Variants in HYKK observed in about 807,000 individuals in gnomAD.
The protein encoded by HYKK is hydroxylysine kinase.
In HYKK, 19 loss-of-function variants were observed where a neutral mutation model predicts 29.7. That is an observed-to-expected ratio of 0.64 (90% CI 0.45 to 0.94). The LOEUF (loss-of-function observed/expected upper bound fraction) is 0.94. HYKK is among the 40% of genes least tolerant of loss of function. The probability of loss-of-function intolerance (pLI) is 0.00; values close to 1 mark genes in which losing one functional copy is unlikely to be tolerated. For synonymous variants in HYKK, 152 were observed against 158.1 expected (o/e 0.96, Z 0.29); for missense variants, 390 against 443.4 (o/e 0.88, Z 1.08).
chr15:78,527,305 A>AAAT, intron 3 of HYKK, 75 bp from the exon 4 acceptor site: 1 of 1,165,378 alleles, frequency 8.6e-7, no homozygotes, highest in Non-Finnish European at 1.2e-6. Flanking sequence ...AAAAAAAAAA[A>AAAT]TGTGCAGCAC....
At chr15:78,511,640 T>C (rs1478922503) in intron 1 of HYKK, among the ~76,000 whole-genome samples, 1 of 152,044 alleles carries the variant, frequency 6.6e-6, no homozygotes. Flanking sequence ...TTCAGGATCA[T>C]TGAGCCTGGT....
At chr15:78,516,472 G>T (rs958022146) in intron 3 of HYKK, among the ~76,000 whole-genome samples, 8 of 151,224 alleles carry the variant, frequency 5.3e-5, no homozygotes, top group African/African-American at 1.9e-4. Flanking sequence ...CAGCCTCCTG[G>T]GTAGCTGGGA....
chr15:78,533,067 A>T lies in HYKK; in HGVS notation c.662-143A>T, dbSNP rs909511768. On this transcript the variant is annotated intron_variant, in intron 4 of 4. Transcript: ENST00000388988. Reference sequence around the variant, plus strand: ...ACTGCTTTTATTCTTTTCAGAGGAAATTATTTTATTTCAAGAAAAATAGGG... The same window carrying T: ...ACTGCTTTTATTCTTTTCAGAGGAATTTATTTTATTTCAAGAAAAATAGGG... 3 of 620,768 alleles carry T rather than the reference A, an allele frequency of 4.8e-6. No individual in the cohort carries two copies. In the Admixed American group the frequency reaches 9.4e-5, roughly 19 times the overall value. 38.5% of individuals were successfully genotyped at this position (620,768 alleles called of 1,614,324 possible).
intron 3 of HYKK, among the ~76,000 whole-genome samples, chr15:78,525,159 T>G (rs982796683): frequency 5.9e-5 from 9 of 152,076 alleles, no homozygotes; most frequent in African/African-American, 2.2e-4. Context: ...TATTTTTATT[T>G]GTTTATTTAT....
intron 4 of HYKK, among the ~76,000 whole-genome samples, chr15:78,532,826 T>G (rs2052325110): frequency 6.6e-6 from 1 of 152,136 alleles, no homozygotes; most frequent in African/African-American, 2.4e-5. Flanking sequence ...AATAAAATCC[T>G]AGATGAAAAT....
At chr15:78,521,793 T>C (rs1275156334) in intron 3 of HYKK, among the ~76,000 whole-genome samples, 1 of 152,146 alleles carries the variant, frequency 6.6e-6, no homozygotes, top group East Asian at 1.9e-4. Flanking sequence ...GTAGAGCCAG[T>C]TGAAACCTAG....
chr15:78,519,686 G>C (rs554730799), intron 3 of HYKK, among the ~76,000 whole-genome samples: 2 of 152,228 alleles, frequency 1.3e-5, no homozygotes, highest in Non-Finnish European at 1.5e-5. Context: ...ACTTGAACCC[G>C]GGAGGCGGAG....
Position 78,513,425 on chromosome 15 carries a change from G to T in HYKK, c.337G>T (p.Asp113Tyr). ...GDNTASLVSV[D>Y]SGSEIKSYLV... is the part of the protein sequence containing the mutation. The stretch of plus-strand genomic sequence containing the variant: ...CAACACAGCTTCTCTCGTGTCTGTA[G>T]GTAAGAGATGACCAATTCGCCGATC... Residue 113 changes from aspartate to tyrosine, a missense_variant and splice_region_variant, in exon 2 of 5, where the codon GAT becomes TAT. By Grantham distance (160) the Asp-to-Tyr change is radical (BLOSUM62 -3). Coordinates refer to ENST00000388988, the MANE Select transcript of HYKK (RefSeq NM_001013619.4). 1 of 1,605,252 alleles carries T rather than the reference G, an allele frequency of 6.2e-7. No homozygotes were observed. Among genetic ancestry groups the T allele is most frequent in the Non-Finnish European group, 8.5e-7 (1 of 1,175,296 alleles).
intron 1 of HYKK, among the ~76,000 whole-genome samples, chr15:78,510,737 A>G (rs902566931): frequency 6.6e-5 from 10 of 152,166 alleles, no homozygotes; most frequent in Non-Finnish European, 1.3e-4. Context: ...ATTTCTCAGA[A>G]GCGCTCTTTC....
At chr15:78,515,627 C>T (rs923174305) in intron 3 of HYKK, among the ~76,000 whole-genome samples, 6 of 148,944 alleles carry the variant, frequency 4.0e-5, no homozygotes, top group South Asian at 4.2e-4. Context: ...CTCGCTCTGT[C>T]GTCCAGGCTG....
rs8034191 is a variant in HYKK at position 78,513,681 on chromosome 15, T to C, written c.337+256T>C. 0.27 allele frequency among the ~76,000 whole-genome samples: 41,417 copies of C among 152,156 alleles called. 6,412 individuals are homozygous for C. Among genetic ancestry groups the C allele is most frequent in the Middle Eastern group, 0.41 (122 of 294 alleles). On this transcript the variant is annotated intron_variant, in intron 2 of 4. Transcript: ENST00000388988. ...CCCAATGTGGTATAAGTTTTCTGTT[T>C]AGAAAGGCCCTGACAGATAGTAACT...
chr15:78,509,020 A>T (rs547173021), intron 1 of HYKK, among the ~76,000 whole-genome samples: 1 of 151,954 alleles, frequency 6.6e-6, no homozygotes, highest in East Asian at 1.9e-4. Context: ...TGTACTCCAG[A>T]CTGGGTGACA....
chr15:78,532,024 A>C (rs556705444), intron 4 of HYKK, among the ~76,000 whole-genome samples: 2 of 152,238 alleles, frequency 1.3e-5, no homozygotes, highest in African/African-American at 4.8e-5. Context: ...AGTTAAAATT[A>C]TATACTTTAT....
At chr15:78,513,045 C>T (rs2052090021) in intron 1 of HYKK, 39 bp from the exon 2 acceptor site, 2 of 1,025,796 alleles carry the variant, frequency 1.9e-6, no homozygotes, top group South Asian at 1.4e-5. Context: ...TATATTCATC[C>T]TGTGTCCCCT....
chr15:78,530,193 T>C (rs996350559), intron 4 of HYKK, among the ~76,000 whole-genome samples: 1 of 60,260 alleles, frequency 1.7e-5, no homozygotes, highest in Non-Finnish European at 3.0e-5. Flanking sequence ...TCAACCATTA[T>C]TTATTTATTT....
intron 4 of HYKK, among the ~76,000 whole-genome samples, chr15:78,530,339 C>A (rs2052299491): frequency 6.6e-6 from 1 of 151,914 alleles, no homozygotes; most frequent in African/African-American, 2.4e-5. Flanking sequence ...TAGCTGTGGC[C>A]ACAGGCGTGT....
chr15:78,521,431 G>A (rs760110134), intron 3 of HYKK, among the ~76,000 whole-genome samples: 11 of 151,832 alleles, frequency 7.2e-5, no homozygotes, highest in Non-Finnish European at 1.3e-4. Context: ...GAGAATGAGG[G>A]AGTTATTCGA....
In HYKK at chr15:78,528,795, C is replaced by T. The variant is rs143734034; in HGVS notation, c.661+1232C>T. Reference sequence around the variant, plus strand: ...CCAGCCTGGGCAACAGAGCGAAATCCGTCTCCAAAAAAAAAAAAGGGCAAG... The same window carrying T: ...CCAGCCTGGGCAACAGAGCGAAATCTGTCTCCAAAAAAAAAAAAGGGCAAG... On this transcript the variant is annotated intron_variant, in intron 4 of 4. Coordinates refer to ENST00000388988, the MANE Select transcript of HYKK (RefSeq NM_001013619.4). 246 of 923,970 alleles carry T rather than the reference C, an allele frequency of 2.7e-4. 1 individual carries two copies. In the East Asian group the frequency reaches 4.0e-3, roughly 15 times the overall value. The allele number at this position is 923,970 out of a possible 1,614,324, so 57.2% of individuals were successfully genotyped here. A position where few individuals can be genotyped will look rare whatever the true frequency, so the allele number is the denominator to read the frequency against.
intron 2 of HYKK, among the ~76,000 whole-genome samples, chr15:78,514,535 C>T (rs1224574989): frequency 2.6e-5 from 4 of 152,208 alleles, no homozygotes; most frequent in African/African-American, 7.2e-5. Flanking sequence ...CAAACACAGG[C>T]TGTCCCACAA....
Sources: allele counts gnomAD v4.1 joint callset (sites outside exome capture counted in the v4.1 genomes callset), GRCh38; gene constraint gnomAD v4.1.1; transcripts MANE v1.5; gene names NCBI Gene and HGNC (gene_info 2026-07-23, HGNC 2026-07-21).